Variants in POU6F2 observed in about 807,000 individuals in gnomAD.
POU6F2 encodes POU domain, class 6, transcription factor 2.
POU6F2 carries 31 observed loss-of-function variants against 71.3 expected under a neutral mutation model. The ratio of observed to expected loss-of-function variants is 0.43; its 90% CI spans 0.33 to 0.59. The LOEUF is 0.59. Among genes scored for constraint, POU6F2 ranks in the 20% least tolerant of loss-of-function variants. The pLI, the probability that POU6F2 is intolerant of heterozygous loss-of-function variation, is 0.04. For synonymous variants in POU6F2, 347 were observed against 355.7 expected, an observed-to-expected ratio of 0.98 and a Z score of 0.27; for missense variants, 783 against 856.8, an observed-to-expected ratio of 0.91 and a Z score of 1.07.
chr7:38,980,857 T>G (rs1184502887), intron 1 of POU6F2, among the ~76,000 whole-genome samples: 1 of 152,196 alleles, frequency 6.6e-6, no homozygotes, highest in East Asian at 1.9e-4. Flanking sequence ...CCACAGTTGC[T>G]TCCACTGTAG....
chr7:39,169,196 G>T (rs1035958760), intron 2 of POU6F2, among the ~76,000 whole-genome samples: 2 of 152,188 alleles, frequency 1.3e-5, no homozygotes, highest in African/African-American at 4.8e-5. Context: ...GATCTGATTA[G>T]ATCCAGCATC....
At chr7:39,260,203 CACACACACCACACACTATACACATGCAAT>C (rs1784105953) in intron 4 of POU6F2, among the ~76,000 whole-genome samples, 1 of 148,564 alleles carries the variant, frequency 6.7e-6, no homozygotes, top group African/African-American at 2.5e-5. Context: ...CACACAATAC[CACACACACCACACACTATACACATGCAAT>C]ACACACACCA....
At chr7:39,424,179 CA>C (rs1202726285) in intron 6 of POU6F2, among the ~76,000 whole-genome samples, 1 of 152,122 alleles carries the variant, frequency 6.6e-6, no homozygotes, top group Non-Finnish European at 1.5e-5. Context: ...AATCACTTTC[CA>C]AAGGCCTCAC....
rs1378313000 is a variant in POU6F2, at chr7:39,412,844, A to G, written c.1113+6104A>G. Among the ~76,000 whole-genome samples the G allele has an allele frequency of 2.1e-4, 23 of 107,470 alleles. No individual in the cohort carries two copies. In the East Asian group the frequency reaches 7.0e-3, roughly 33 times the overall value. The allele number at this position is 107,470 out of a possible 152,430, so 70.5% of individuals were successfully genotyped here. A position where few individuals can be genotyped will look rare whatever the true frequency, so the allele number is the denominator to read the frequency against. Reference sequence around the variant, plus strand: ...TGAGACGGAGTCTTGCTTCTTGCCCAGGCTGGAGTGCAGTGGTGTGATCTT... The same window carrying G: ...TGAGACGGAGTCTTGCTTCTTGCCCGGGCTGGAGTGCAGTGGTGTGATCTT... On this transcript the variant is annotated intron_variant, in intron 6 of 9. Transcript: ENST00000518318.
intron 1 of POU6F2, among the ~76,000 whole-genome samples, chr7:39,020,495 G>A (rs1789659288): frequency 6.6e-6 from 1 of 152,102 alleles, no homozygotes; most frequent in Non-Finnish European, 1.5e-5. Flanking sequence ...GATTTTTTGA[G>A]ATGGTCATTG....
chr7:39,063,773 G>GA (rs148306887), intron 1 of POU6F2, among the ~76,000 whole-genome samples: 2 of 151,178 alleles, frequency 1.3e-5, no homozygotes, highest in Non-Finnish European at 2.9e-5. Flanking sequence ...ATGAAGCAAG[G>GA]AAAAAAAATA....
chr7:38,990,412 T>A (rs1788574297), intron 1 of POU6F2, among the ~76,000 whole-genome samples: 1 of 152,168 alleles, frequency 6.6e-6, no homozygotes, highest in South Asian at 2.1e-4. Flanking sequence ...CTTAGTAGTT[T>A]GAAATGTTCA....
chr7:39,116,542 A>G (rs929902991), intron 2 of POU6F2, among the ~76,000 whole-genome samples: 6 of 152,198 alleles, frequency 3.9e-5, no homozygotes, highest in African/African-American at 9.6e-5. Flanking sequence ...TGTTTTGTAG[A>G]TAAGAAAATA....
intron 2 of POU6F2, among the ~76,000 whole-genome samples, chr7:39,165,238 C>T (rs1209103708): frequency 6.6e-6 from 1 of 152,190 alleles, no homozygotes; most frequent in East Asian, 1.9e-4. Flanking sequence ...ACTAACCCCT[C>T]CTTCATCTGT....
chr7:39,168,514 A>G (rs950923996), intron 2 of POU6F2, among the ~76,000 whole-genome samples: 4 of 152,224 alleles, frequency 2.6e-5, no homozygotes, highest in African/African-American at 7.2e-5. Flanking sequence ...TCAAAGTGAG[A>G]GGCTTAAATA....
intron 1 of POU6F2, among the ~76,000 whole-genome samples, chr7:39,037,639 A>C (rs897780991): frequency 6.6e-6 from 1 of 151,760 alleles, no homozygotes; most frequent in Admixed American, 6.6e-5. Context: ...ACAGGATCTT[A>C]CTCTGTATTT....
At chr7:39,320,791 A>G (rs1431455358) in intron 4 of POU6F2, among the ~76,000 whole-genome samples, 1 of 152,248 alleles carries the variant, frequency 6.6e-6, no homozygotes, top group Non-Finnish European at 1.5e-5. Context: ...GCAGTGGCCC[A>G]TGCCTGTAAT....
chr7:39,218,788 A>G (rs1256871774), intron 4 of POU6F2, among the ~76,000 whole-genome samples: 2 of 152,108 alleles, frequency 1.3e-5, no homozygotes, highest in African/African-American at 2.4e-5. Context: ...GAGGAAAGAG[A>G]GAGGAGATCC....
At chr7:38,979,047 A>G (rs969859963) in intron 1 of POU6F2, among the ~76,000 whole-genome samples, 7 of 152,150 alleles carry the variant, frequency 4.6e-5, no homozygotes, top group Admixed American at 6.5e-5. Flanking sequence ...TTTTCTGACT[A>G]TGATGGGGGT....
At chr7:39,459,596 T>C (rs568296562) in intron 8 of POU6F2, among the ~76,000 whole-genome samples, 5 of 152,280 alleles carry the variant, frequency 3.3e-5, no homozygotes, top group East Asian at 1.9e-4. Flanking sequence ...TGATGGGCTA[T>C]TGCGCAGAAA....
chr7:38,989,266 C>T (rs1393981332), intron 1 of POU6F2, among the ~76,000 whole-genome samples: 2 of 152,072 alleles, frequency 1.3e-5, no homozygotes, highest in Non-Finnish European at 2.9e-5. Flanking sequence ...ATGTCACAGT[C>T]AGATGCCTTT....
chr7:39,447,895 AAAC>A (rs1788562024), intron 7 of POU6F2, among the ~76,000 whole-genome samples: 1 of 152,230 alleles, frequency 6.6e-6, no homozygotes, highest in African/African-American at 2.4e-5. Context: ...TCAGTGTCCA[AAAC>A]AACAACATAA....
At chr7:39,007,848 ACATGAACTCAT>A (rs1287510172) in intron 1 of POU6F2, among the ~76,000 whole-genome samples, 8 of 151,486 alleles carry the variant, frequency 5.3e-5, no homozygotes, top group African/African-American at 1.9e-4. Flanking sequence ...CCTACAAAGG[ACATGAACTCAT>A]CATTTTTTAT....
chr7:39,126,316 C>T (rs952815378), intron 2 of POU6F2, among the ~76,000 whole-genome samples: 19 of 152,184 alleles, frequency 1.2e-4, no homozygotes, highest in Non-Finnish European at 2.9e-5. Flanking sequence ...AAAGCCACCA[C>T]TTGGAGGGCA....
Sources: gnomAD v4.1 joint callset for allele counts (sites outside exome capture counted in the v4.1 genomes callset) on GRCh38, gnomAD v4.1.1 for gene constraint, MANE v1.5 for transcripts, NCBI Gene and HGNC (gene_info 2026-07-23, HGNC 2026-07-21) for gene names.